The following GIGYF2 variants were observed in gnomAD, a reference collection of about 807,000 sequenced individuals.
The protein encoded by GIGYF2 is GRB10-interacting GYF protein 2.
Under a neutral mutation model 208.1 loss-of-function variants are expected in GIGYF2, and 25 were observed. That is an observed-to-expected ratio of 0.12 (90% CI 0.09 to 0.17). The LOEUF is 0.17. Among genes scored for constraint, GIGYF2 ranks in the 10% least tolerant of loss-of-function variants. The pLI is 1.00. For synonymous variants in GIGYF2, 534 were observed against 543.8 expected (o/e 0.98, Z 0.25); for missense variants, 1,302 against 1,579.4 (o/e 0.82, Z 2.98).
At position 232,847,521 on chromosome 2, in the gene GIGYF2, C is replaced by A; in HGVS notation, c.3634C>A (p.Gln1212Lys). Residue 1212 changes from glutamine to lysine, a missense_variant, in exon 27 of 29, where the codon CAG becomes AAG. This residue lies in a region of GIGYF2 where 701 missense variants were observed against 793.0 expected (regional missense o/e 0.88). Transcript: ENST00000373563. ...GCGTCAGCAGCAGCAGCTGCCACAG[C>A]AGCAGCAGCAGCAGCCGCCACAGCA... ...QQRQQQQLPQ[Q>K]QQQQPPQQPP... 7.1e-7 allele frequency: 1 copy of A among 1,416,738 alleles called. No homozygotes were observed. The highest frequency in any genetic ancestry group is 9.7e-7 in the Non-Finnish European group (1 of 1,028,170). 87.8% of individuals were successfully genotyped at this position (1,416,738 alleles called of 1,614,324 possible).
chr2:232,777,613 T>TCCCCCCCC (rs3214757), intron 8 of GIGYF2, among the ~76,000 whole-genome samples: 1 of 131,624 alleles, frequency 7.6e-6, no homozygotes, highest in African/African-American at 2.9e-5. Flanking sequence ...ATCCTCTCCG[T>TCCCCCCCC]CCCCCCCCCG....
At chr2:232,767,783 C>T (rs541594749) in intron 8 of GIGYF2, 6 of 232,064 alleles carry the variant, frequency 2.6e-5, no homozygotes, top group Admixed American at 5.3e-5. Flanking sequence ...CGTCATTCCA[C>T]CCAGGGAGCT....
intron 14 of GIGYF2, among the ~76,000 whole-genome samples, chr2:232,799,036 C>T (rs1700309812): frequency 6.6e-6 from 1 of 151,780 alleles, no homozygotes; most frequent in Non-Finnish European, 1.5e-5. Flanking sequence ...CCGAGCACCT[C>T]ATGTAAGTGG....
intron 22 of GIGYF2, among the ~76,000 whole-genome samples, chr2:232,836,283 T>C (rs866519574): frequency 0.028 from 166 of 5,992 alleles, 2 homozygotes; most frequent in Middle Eastern, 0.077. Context: ...TATATATATA[T>C]ATATATATAT....
intron 2 of GIGYF2, among the ~76,000 whole-genome samples, chr2:232,734,927 T>C (rs886945269): frequency 6.6e-6 from 1 of 152,182 alleles, no homozygotes; most frequent in African/African-American, 2.4e-5. Context: ...AAACTGTGCC[T>C]CCTTACCCCA....
At chr2:232,854,031 C>T (rs1690457209) in intron 28 of GIGYF2, among the ~76,000 whole-genome samples, 1 of 152,222 alleles carries the variant, frequency 6.6e-6, no homozygotes, top group African/African-American at 2.4e-5. Context: ...TTAAATTACA[C>T]TTCCACTTCT....
intron 6 of GIGYF2, 127 bp from the exon 7 acceptor site, chr2:232,760,353 G>A (rs752637006): frequency 5.0e-5 from 35 of 704,284 alleles, no homozygotes; most frequent in African/African-American, 2.6e-4. Context: ...ATCAGGCCTC[G>A]TTCAGTATTT....
intron 27 of GIGYF2, among the ~76,000 whole-genome samples, chr2:232,847,857 A>G (rs1381817966): frequency 2.0e-5 from 3 of 152,238 alleles, no homozygotes; most frequent in African/African-American, 7.2e-5. Flanking sequence ...TGTCAAACCC[A>G]TAGATCTGGT....
chr2:232,706,281 C>T (rs1359733137), intron 2 of GIGYF2, among the ~76,000 whole-genome samples: 1 of 152,056 alleles, frequency 6.6e-6, no homozygotes, highest in African/African-American at 2.4e-5. Flanking sequence ...TTTCTTAAAT[C>T]TGGGTGTTGA....
chr2:232,722,859 A>G (rs894743332), intron 2 of GIGYF2, among the ~76,000 whole-genome samples: 2 of 152,254 alleles, frequency 1.3e-5, no homozygotes, highest in African/African-American at 4.8e-5. Flanking sequence ...AGTTTCCTCA[A>G]ACCCTACCTT....
At chr2:232,741,870 A>G (rs7562712) in intron 3 of GIGYF2, among the ~76,000 whole-genome samples, 48,153 of 152,034 alleles carry the variant, frequency 0.32, 7,990 homozygotes, top group South Asian at 0.62. Context: ...TGACTTTATT[A>G]TATTCTTCTA....
intron 14 of GIGYF2, among the ~76,000 whole-genome samples, chr2:232,804,933 G>A (rs1700513786): frequency 6.6e-6 from 1 of 150,700 alleles, no homozygotes; most frequent in Non-Finnish European, 1.5e-5. Flanking sequence ...TTGATTTCTA[G>A]CTTGATTCTT....
At chr2:232,775,269 T>C (rs541766517) in intron 8 of GIGYF2, among the ~76,000 whole-genome samples, 1 of 152,264 alleles carries the variant, frequency 6.6e-6, no homozygotes, top group Non-Finnish European at 1.5e-5. Flanking sequence ...CACTGTTGGT[T>C]ACATAGCTGT....
At position 232,733,480 on chromosome 2, in the gene GIGYF2, C is replaced by T. The variant is rs186025245; in HGVS notation, c.-43-1675C>T. On this transcript the variant is annotated intron_variant, in intron 2 of 28. Coordinates refer to ENST00000373563, the MANE Select transcript of GIGYF2 (RefSeq NM_001103146.3). Reference sequence around the variant, plus strand: ...TGAAGGTTAACACACTTTTACTTTGCTGTTTCTAAGCTTTAGACATATTTG... The same window carrying T: ...TGAAGGTTAACACACTTTTACTTTGTTGTTTCTAAGCTTTAGACATATTTG... Among the ~76,000 whole-genome samples the T allele has an allele frequency of 2.1e-3, 327 of 152,232 alleles. 5 individuals carry two copies. Among genetic ancestry groups the T allele is most frequent in the East Asian group, 0.019 (101 of 5,184 alleles).
intron 5 of GIGYF2, among the ~76,000 whole-genome samples, chr2:232,752,991 A>G (rs1698390820): frequency 6.6e-6 from 1 of 152,090 alleles, no homozygotes; most frequent in Admixed American, 6.6e-5. Flanking sequence ...TATTCACTTC[A>G]GGGGTGCTTA....
Position 232,790,748 on chromosome 2 carries a change from T to C in GIGYF2, c.763T>C (p.Phe255Leu). ...GGAACACATGGAACGACGTCGGAGG[T>C]TTGAGTTTGATTTTCGAGATAGAGA... ...WREHMERRRRFEFDFRDRDDE... is the reference protein window; with the variant it reads ...WREHMERRRRLEFDFRDRDDE... The change falls in exon 10 of 29, where the codon TTT becomes CTT. Residue 255 changes from phenylalanine (F) to leucine (L), a missense_variant. Phe to Leu is a conservative substitution (Grantham distance 22). Transcript: ENST00000373563. 5 of 1,613,662 alleles carry C rather than the reference T, an allele frequency of 3.1e-6. No individual in the cohort carries two copies. The highest frequency in any genetic ancestry group is 4.2e-6 in the Non-Finnish European group (5 of 1,179,906).
At chr2:232,717,800 G>A (rs1696757976) in intron 2 of GIGYF2, among the ~76,000 whole-genome samples, 1 of 151,836 alleles carries the variant, frequency 6.6e-6, no homozygotes, top group Admixed American at 6.6e-5. Context: ...GCTCTCTTGG[G>A]AACAAATCAA....
intron 1 of GIGYF2, among the ~76,000 whole-genome samples, chr2:232,698,463 T>C (rs891113608): frequency 2.0e-5 from 3 of 152,218 alleles, no homozygotes; most frequent in African/African-American, 7.2e-5. Flanking sequence ...ATGTCCTTTT[T>C]AGAATCAAAT....
chr2:232,759,878 T>G (rs1698680919), intron 6 of GIGYF2, among the ~76,000 whole-genome samples: 1 of 152,158 alleles, frequency 6.6e-6, no homozygotes. Flanking sequence ...ACCAGCTTTG[T>G]TGGTTCAAGT....
Sources: allele counts gnomAD v4.1 joint callset (sites outside exome capture counted in the v4.1 genomes callset), GRCh38; gene constraint gnomAD v4.1.1; regional missense constraint gnomAD v4.1.1; transcripts MANE v1.5; gene names NCBI Gene and HGNC (gene_info 2026-07-23, HGNC 2026-07-21).